SLCO1C1: variants seen among roughly 807,000 people sequenced by gnomAD.
SLCO1C1 encodes the protein OAT-RP-5.
SLCO1C1 carries 70 observed loss-of-function variants against 76.4 expected under a neutral mutation model. The ratio of observed to expected loss-of-function variants is 0.92; its 90% CI spans 0.76 to 1.12. The LOEUF (loss-of-function observed/expected upper bound fraction) is 1.12. SLCO1C1 is among the 50% of genes most tolerant of loss of function. The pLI, the probability that SLCO1C1 is intolerant of heterozygous loss-of-function variation, is 0.00. For synonymous variants in SLCO1C1, 306 were observed against 286.1 expected (o/e 1.07, Z -0.70); for missense variants, 912 against 823.8 (o/e 1.11, Z -1.31).
intron 4 of SLCO1C1, among the ~76,000 whole-genome samples, chr12:20,710,963 C>A (rs961869299): frequency 6.6e-6 from 1 of 152,020 alleles, no homozygotes; most frequent in Non-Finnish European, 1.5e-5. Flanking sequence ...GGCCCAGGTA[C>A]GTGTAAAGCA....
intron 10 of SLCO1C1, among the ~76,000 whole-genome samples, chr12:20,734,418 G>A (rs1338181719): frequency 6.6e-6 from 1 of 152,198 alleles, no homozygotes; most frequent in Non-Finnish European, 1.5e-5. Flanking sequence ...ATTCTGGAGA[G>A]AGCAGAAGCC....
chr12:20,723,276 G>T, intron 9 of SLCO1C1, 22 bp downstream of exon 9: 1 of 1,610,646 alleles, frequency 6.2e-7, no homozygotes. Context: ...TGCCTTTCAT[G>T]CTTTCTCAGA....
chr12:20,720,381 G>A (rs1025741551), intron 7 of SLCO1C1, among the ~76,000 whole-genome samples: 9 of 152,082 alleles, frequency 5.9e-5, no homozygotes, highest in African/African-American at 1.4e-4. Context: ...TTTAAGAAAC[G>A]TATTTCACAA....
chr12:20,737,284 CCT>C lies in SLCO1C1; in HGVS notation c.1548+16_1548+17del, dbSNP rs778869011. On this transcript the variant is annotated intron_variant, in intron 11 of 14. Coordinates refer to ENST00000266509, the MANE Select transcript of SLCO1C1 (RefSeq NM_017435.5). ...GTGGAAAAAATATTGTAAGAAATCA[CCT>C]CTCAAGTATATGGCGATGGTCCTGT... The C allele has an allele frequency of 1.3e-6, 2 of 1,552,956 alleles. No individual in the cohort carries two copies. The highest frequency in any genetic ancestry group is 1.7e-6 in the Non-Finnish European group (2 of 1,158,636).
intron 13 of SLCO1C1, among the ~76,000 whole-genome samples, chr12:20,745,479 A>C (rs1386322081): frequency 6.6e-6 from 1 of 152,166 alleles, no homozygotes; most frequent in Non-Finnish European, 1.5e-5. Context: ...TGTTAATATT[A>C]CTTGGAATTA....
rs908877831 is a variant in SLCO1C1 at position 20,752,971 on chromosome 12, C to T, written c.*443C>T. On this transcript the variant is annotated 3_prime_UTR_variant, in exon 15 of 15. Transcript: ENST00000266509. The stretch of plus-strand genomic sequence containing the variant: ...ACTCCTATAGTATTTTCTCCCATAG[C>T]TGTCTTCATCTGTGTATTTTAATAA... 6.6e-6 allele frequency: 1 copy of T among 152,222 alleles called. No individual in the cohort carries two copies. Among genetic ancestry groups the T allele is most frequent in the Non-Finnish European group, 1.5e-5 (1 of 68,156 alleles). 9.4% of individuals were successfully genotyped at this position (152,222 alleles called of 1,614,324 possible). A position where few individuals can be genotyped will look rare whatever the true frequency, so the allele number is the denominator to read the frequency against.
At chr12:20,724,220 C>A (rs1420341474) in intron 9 of SLCO1C1, among the ~76,000 whole-genome samples, 1 of 151,444 alleles carries the variant, frequency 6.6e-6, no homozygotes, top group Non-Finnish European at 1.5e-5. Flanking sequence ...TTCTCCAACA[C>A]CCCATGCATG....
intron 2 of SLCO1C1, 105 bp downstream of exon 2, chr12:20,699,810 A>G (rs1056715409): frequency 3.8e-6 from 5 of 1,306,578 alleles, no homozygotes; most frequent in Middle Eastern, 2.1e-4. Context: ...TTTAAAAAAA[A>G]AAAAAGATCT....
At chr12:20,725,043 A>C (rs1417065774) in intron 9 of SLCO1C1, among the ~76,000 whole-genome samples, 1 of 138,752 alleles carries the variant, frequency 7.2e-6, no homozygotes, top group African/African-American at 2.6e-5. Flanking sequence ...ATATGTATAT[A>C]ATATGTATTA....
At chr12:20,723,288 G>A in intron 9 of SLCO1C1, 34 bp downstream of exon 9, 1 of 1,607,024 alleles carries the variant, frequency 6.2e-7, no homozygotes, top group African/African-American at 1.3e-5. Context: ...TTTCTCAGAG[G>A]GACTGTCTTA....
chr12:20,696,374 T>A (rs1385181667), intron 1 of SLCO1C1, among the ~76,000 whole-genome samples: 1 of 152,044 alleles, frequency 6.6e-6, no homozygotes, highest in African/African-American at 2.4e-5. Flanking sequence ...TTTAGGACTT[T>A]CTCTGTGGCA....
In SLCO1C1 at chr12:20,709,374, A is replaced by G. The variant is rs184998894; in HGVS notation, c.405-2012A>G. The stretch of plus-strand genomic sequence containing the variant: ...TTAGATAAGCTGCCAGTTATTTGAA[A>G]TCAAAATAATTATGATGCTTGCAAC... On this transcript the variant is annotated intron_variant, in intron 4 of 14. Transcript: ENST00000266509. Among the ~76,000 whole-genome samples the G allele has an allele frequency of 1.1e-3, 167 of 152,314 alleles. 6 individuals are homozygous for G. Among genetic ancestry groups the G allele is most frequent in the Non-Finnish European group, 4.0e-4 (27 of 68,022 alleles).
At chr12:20,697,491 A>G (rs1825334618) in intron 1 of SLCO1C1, 1 of 152,032 alleles carries the variant, frequency 6.6e-6, no homozygotes, top group Non-Finnish European at 1.5e-5. Context: ...CTGGCAAAAT[A>G]CTGTTCTAGA....
Position 20,707,824 on chromosome 12 carries a change from A to G in SLCO1C1, c.404+1743A>G, listed in dbSNP as rs76316751. The stretch of plus-strand genomic sequence containing the variant: ...GAATACCCGTATAAGAAAATCAGAG[A>G]AAAAAAAATGTATTAAAAAGAAGGT... On this transcript the variant is annotated intron_variant, in intron 4 of 14. Coordinates refer to ENST00000266509, the MANE Select transcript of SLCO1C1 (RefSeq NM_017435.5). Among the ~76,000 whole-genome samples the G allele has an allele frequency of 3.2e-3, 418 of 129,436 alleles. 3 individuals carry two copies. Among genetic ancestry groups the G allele is most frequent in the African/African-American group, 0.014 (380 of 26,408 alleles). 84.9% of individuals were successfully genotyped at this position (129,436 alleles called of 152,430 possible).
rs1486158038 is a variant in SLCO1C1, at chr12:20,740,347, C to T, written c.1712C>T (p.Pro571Leu). 6.2e-7 allele frequency: 1 copy of T among 1,613,214 alleles called. No homozygotes were observed. The highest frequency in any genetic ancestry group is 2.2e-5 in the East Asian group (1 of 44,788). Reference sequence around the variant, plus strand: ...TATACTTTATCCCTAGGTGGCATACCTGGATACATATTACTTCTGAGGTGA... The same window carrying T: ...TATACTTTATCCCTAGGTGGCATACTTGGATACATATTACTTCTGAGGTGA... ...TSYTLSLGGIPGYILLLRCIK... is the reference protein window; with the variant it reads ...TSYTLSLGGILGYILLLRCIK... The change falls in exon 12 of 15, where the codon CCT becomes CTT. Residue 571 changes from proline (P) to leucine (L), a missense_variant. By Grantham distance (98) the Pro-to-Leu change is moderately conservative. Transcript: ENST00000266509.
intron 14 of SLCO1C1, 112 bp downstream of exon 14, chr12:20,750,904 T>C (rs1377332675): frequency 1.2e-6 from 2 of 1,600,224 alleles, no homozygotes; most frequent in East Asian, 2.2e-5. Context: ...AGGTAAAGAA[T>C]AGTCTAATCA....
rs1423852562 is a variant in SLCO1C1, at chr12:20,711,299, T to C, written c.405-87T>C. On this transcript the variant is annotated intron_variant, in intron 4 of 14. Transcript: ENST00000266509. The stretch of plus-strand genomic sequence containing the variant: ...AGAGACAGCTGCAAGCTCAACCTGG[T>C]ACCCTAACGATTCGTGTAGCATACA... The C allele has an allele frequency of 7.0e-6, 10 of 1,429,668 alleles. No individual in the cohort carries two copies. The Admixed American group carries it at 2.2e-4, about 31-fold the overall frequency. The allele number at this position is 1,429,668 out of a possible 1,614,324, so 88.6% of individuals were successfully genotyped here.
chr12:20,722,229 G>A (rs1214668395), intron 8 of SLCO1C1, among the ~76,000 whole-genome samples, 180 bp downstream of exon 8: 1 of 152,224 alleles, frequency 6.6e-6, no homozygotes, highest in Non-Finnish European at 1.5e-5. Context: ...CACGACCAAA[G>A]AGCAAAGGCT....
rs115585860 is a variant in SLCO1C1, at chr12:20,708,152, G to A, written c.404+2071G>A. ...CCAAAATATGATTTTCGTTCTCTAA[G>A]AGATAACTATGCTCTGTCTCCTTTG... On this transcript the variant is annotated intron_variant, in intron 4 of 14. Coordinates refer to ENST00000266509, the MANE Select transcript of SLCO1C1 (RefSeq NM_017435.5). 1.3e-3 allele frequency among the ~76,000 whole-genome samples: 196 copies of A among 152,172 alleles called. 1 individual carries two copies. The highest frequency in any genetic ancestry group is 4.6e-3 in the African/African-American group (191 of 41,534).
Sources: allele counts gnomAD v4.1 joint callset (sites outside exome capture counted in the v4.1 genomes callset), GRCh38; gene constraint gnomAD v4.1.1; transcripts MANE v1.5; gene names NCBI Gene and HGNC (gene_info 2026-07-23, HGNC 2026-07-21).